Variants in ST8SIA5 observed in about 807,000 individuals in gnomAD.
ST8SIA5 encodes alpha-2,8-sialyltransferase 8E.
ST8SIA5 carries 24 observed loss-of-function variants against 40.2 expected under a neutral mutation model. That is an observed-to-expected ratio of 0.60 (90% CI 0.43 to 0.84). The LOEUF (loss-of-function observed/expected upper bound fraction) is 0.84. ST8SIA5 is among the 40% of genes least tolerant of loss of function. ST8SIA5 has a pLI of 0.00. For missense variants in ST8SIA5, 465 were observed against 498.5 expected (o/e 0.93, Z 0.64); for synonymous variants, 198 against 201.8 (o/e 0.98, Z 0.16).
rs1302903139 is a variant in ST8SIA5, at chr18:46,676,032, G to C, written c.*4010C>G. ...ATTTATATCACCACCCTCTAGCCTG[G>C]GTGACAGAGGGAGACTCTGTCTCAA... On this transcript the variant is annotated 3_prime_UTR_variant, in exon 7 of 7. Transcript: ENST00000315087. 6.6e-6 allele frequency: 1 copy of C among 152,138 alleles called. No homozygotes were observed. The highest frequency in any genetic ancestry group is 1.5e-5 in the Non-Finnish European group (1 of 68,042). The allele number at this position is 152,138 out of a possible 1,614,324, so 9.4% of individuals were successfully genotyped here. A position where few individuals can be genotyped will look rare whatever the true frequency, so the allele number is the denominator to read the frequency against.
chr18:46,681,950 C>T (rs1182775621), intron 6 of ST8SIA5, 22 bp downstream of exon 6: 3 of 1,612,244 alleles, frequency 1.9e-6, no homozygotes, highest in Non-Finnish European at 2.5e-6. Context: ...GACAGTGCAG[C>T]TCTAGAAAGA....
At position 46,668,850 on chromosome 18, in the gene ST8SIA5, G is replaced by T. The variant is rs1040320662; in HGVS notation, c.*11192C>A. The stretch of plus-strand genomic sequence containing the variant: ...CACAGTGAGGGCCAGACGTCCCACT[G>T]GAGAAGAGTACAGGACGATGGGCTC... On this transcript the variant is annotated 3_prime_UTR_variant, in exon 7 of 7. Coordinates refer to ENST00000315087, the MANE Select transcript of ST8SIA5 (RefSeq NM_013305.6). The T allele has an allele frequency of 2.6e-5, 4 of 152,274 alleles. No homozygotes were observed. Among genetic ancestry groups the T allele is most frequent in the Non-Finnish European group, 4.4e-5 (3 of 68,088 alleles). 9.4% of individuals were successfully genotyped at this position (152,274 alleles called of 1,614,324 possible).
rs2040253399 is a variant in ST8SIA5 at position 46,756,721 on chromosome 18, G to C, written c.-213C>G. ...CTGGGGCGGCAAGCAGGACAGGGCC[G>C]GTGGCAGGGAGCTCTGCCGCGGCCA... On this transcript the variant is annotated 5_prime_UTR_variant, in exon 1 of 7. Transcript: ENST00000315087. The C allele has an allele frequency of 3.8e-6, 2 of 528,572 alleles. No individual in the cohort carries two copies. Among genetic ancestry groups the C allele is most frequent in the East Asian group, 7.0e-5 (2 of 28,428 alleles). The allele number at this position is 528,572 out of a possible 1,614,324, so 32.7% of individuals were successfully genotyped here.
At chr18:46,742,107 AAAT>A (rs1180167977) in intron 1 of ST8SIA5, among the ~76,000 whole-genome samples, 2 of 149,092 alleles carry the variant, frequency 1.3e-5, no homozygotes, top group African/African-American at 2.4e-5. Context: ...TGTAAAAAAT[AAAT>A]AAATAAATAA....
intron 1 of ST8SIA5, among the ~76,000 whole-genome samples, chr18:46,715,543 G>T (rs1290992274): frequency 6.9e-6 from 1 of 145,726 alleles, no homozygotes; most frequent in African/African-American, 2.5e-5. Context: ...CAGTTGCACA[G>T]AAGTGATCTA....
At chr18:46,680,539 A>AC in intron 6 of ST8SIA5, 29 bp from the exon 7 acceptor site, 1 of 1,532,366 alleles carries the variant, frequency 6.5e-7, no homozygotes. Context: ...AGAGGTGAGC[A>AC]CCCACTCCTC....
intron 6 of ST8SIA5, among the ~76,000 whole-genome samples, chr18:46,681,756 C>T (rs2039398551): frequency 6.6e-6 from 1 of 152,254 alleles, no homozygotes; most frequent in African/African-American, 2.4e-5. Flanking sequence ...CTTTAACCCA[C>T]TATTTCGAAA....
At chr18:46,747,781 T>C (rs893526230) in intron 1 of ST8SIA5, among the ~76,000 whole-genome samples, 5 of 152,350 alleles carry the variant, frequency 3.3e-5, no homozygotes, top group African/African-American at 9.6e-5. Context: ...CATATGTTTG[T>C]TGCGGCACTA....
intron 5 of ST8SIA5, 61 bp downstream of exon 5, chr18:46,686,113 G>A (rs2039443647): frequency 6.6e-7 from 1 of 1,521,242 alleles, no homozygotes; most frequent in Non-Finnish European, 9.1e-7. Flanking sequence ...GGAACCGGGG[G>A]AAGAATATGG....
intron 5 of ST8SIA5, among the ~76,000 whole-genome samples, chr18:46,683,512 T>C (rs1171134825): frequency 2.6e-5 from 4 of 151,880 alleles, no homozygotes; most frequent in South Asian, 2.1e-4. Context: ...GTGGGAGTGG[T>C]ACAAGCTGAG....
rs774869012 is a variant in ST8SIA5 at position 46,688,828 on chromosome 18, C to G, written c.403G>C (p.Asp135His). The change falls in exon 4 of 7, where the codon GAC becomes CAC. Residue 135 changes from aspartate to histidine, a missense_variant. Transcript: ENST00000315087. ...TTGATGTGGTAGATGCCACTGGTGT[C>G]CACCTCATACTTGAGCTTTGTCCCC... ...PLGTKLKYEV[D>H]TSGIYHINQE... The G allele has an allele frequency of 6.2e-7, 1 of 1,614,012 alleles. No homozygotes were observed. The highest frequency in any genetic ancestry group is 1.7e-5 in the Admixed American group (1 of 60,004).
chr18:46,714,441 G>A (rs555468635), intron 1 of ST8SIA5, among the ~76,000 whole-genome samples: 2 of 152,306 alleles, frequency 1.3e-5, no homozygotes, highest in African/African-American at 2.4e-5. Flanking sequence ...GCACAGGATC[G>A]TGAAGAAGGA....
At chr18:46,750,754 C>G (rs900004403) in intron 1 of ST8SIA5, among the ~76,000 whole-genome samples, 2 of 152,164 alleles carry the variant, frequency 1.3e-5, no homozygotes, top group African/African-American at 4.8e-5. Flanking sequence ...CCAGAGCCAG[C>G]TCTCCTCTCT....
chr18:46,721,417 G>A, intron 1 of ST8SIA5: 2 of 1,536,126 alleles, frequency 1.3e-6, no homozygotes, highest in African/African-American at 2.7e-5. Flanking sequence ...ACATTAAAGA[G>A]CCCCGTCCAA....
Position 46,679,659 on chromosome 18 carries a change from G to A in ST8SIA5, c.*383C>T, listed in dbSNP as rs909789737. 3 of 273,420 alleles carry A rather than the reference G, an allele frequency of 1.1e-5. No individual in the cohort carries two copies. Among genetic ancestry groups the A allele is most frequent in the Non-Finnish European group, 2.1e-5 (3 of 142,442 alleles). 16.9% of individuals were successfully genotyped at this position (273,420 alleles called of 1,614,324 possible). ...CACTCTCAATTCCATTCTCTGTAGG[G>A]TCTTCCTTCAGCTGCAACAAGGGCC... is the stretch of plus-strand genomic sequence containing the variant. On this transcript the variant is annotated 3_prime_UTR_variant, in exon 7 of 7. Transcript: ENST00000315087.
intron 2 of ST8SIA5, among the ~76,000 whole-genome samples, chr18:46,695,865 G>A (rs577005391): frequency 2.0e-5 from 3 of 152,326 alleles, no homozygotes; most frequent in Admixed American, 6.5e-5. Context: ...ATCTCCATAT[G>A]GCAGGAACTA....
chr18:46,670,161 G>A lies in ST8SIA5; in HGVS notation c.*9881C>T, dbSNP rs570307934. Reference sequence around the variant, plus strand: ...TTTATGTGAACTTCCAGGTCACTGAGCATTTATCTTTTAAGCACCAAGACT... The same window carrying A: ...TTTATGTGAACTTCCAGGTCACTGAACATTTATCTTTTAAGCACCAAGACT... On this transcript the variant is annotated 3_prime_UTR_variant, in exon 7 of 7. Transcript: ENST00000315087. 5.3e-5 allele frequency: 8 copies of A among 152,280 alleles called. No individual in the cohort carries two copies. The highest frequency in any genetic ancestry group is 2.1e-4 in the South Asian group (1 of 4,820). The allele number at this position is 152,280 out of a possible 1,614,324, so 9.4% of individuals were successfully genotyped here.
In ST8SIA5 at chr18:46,680,461, C is replaced by T; in HGVS notation, c.712G>A (p.Val238Met). 1 of 1,607,322 alleles carries T rather than the reference C, an allele frequency of 6.2e-7. No individual in the cohort carries two copies. Among genetic ancestry groups the T allele is most frequent in the South Asian group, 1.1e-5 (1 of 90,248 alleles). Residue 238 changes from valine (V) to methionine (M), a missense_variant, in exon 7 of 7, where the codon GTG (valine) becomes ATG (methionine). Physicochemically the swap from Val to Met is conservative, Grantham distance 21 (BLOSUM62 1). Coordinates refer to ENST00000315087, the MANE Select transcript of ST8SIA5 (RefSeq NM_013305.6). ...AGCAGCACCGACGCGTTCTCGTACA[C>T]CTGCAGCACGCGATAGAACGGCCGC... ...WRRPFYRVLQ[V>M]YENASVLLPA...
chr18:46,692,199 G>A lies in ST8SIA5; in HGVS notation c.281C>T (p.Ala94Val), dbSNP rs200460832. 144 of 1,614,030 alleles carry A rather than the reference G, an allele frequency of 8.9e-5. No individual in the cohort carries two copies. The South Asian group carries it at 1.4e-3, about 16-fold the overall frequency. The change falls in exon 3 of 7, where the codon GCG becomes GTG. Residue 94 changes from alanine to valine, a missense_variant. Coordinates refer to ENST00000315087, the MANE Select transcript of ST8SIA5 (RefSeq NM_013305.6). ...RWKSLQMCKWAMNISEANQFK... is the reference protein window; with the variant it reads ...RWKSLQMCKWVMNISEANQFK... ...CTGGTTGGCCTCAGAGATGTTCATC[G>A]CCCATTTGCACATCTGGAGGCTCTT...
Sources: gnomAD v4.1 joint callset for allele counts (sites outside exome capture counted in the v4.1 genomes callset) on GRCh38, gnomAD v4.1.1 for gene constraint, MANE v1.5 for transcripts, NCBI Gene and HGNC (gene_info 2026-07-23, HGNC 2026-07-21) for gene names.